C2CD3: variants seen among roughly 807,000 people sequenced by gnomAD.
The protein encoded by C2CD3 is C2 domain-containing protein 3.
Under a neutral mutation model 234.0 loss-of-function variants are expected in C2CD3, and 148 were observed. The ratio of observed to expected loss-of-function variants is 0.63; its 90% CI spans 0.55 to 0.72. The LOEUF (loss-of-function observed/expected upper bound fraction) is 0.72, where lower values mean the gene tolerates loss of function less well. Ranked by LOEUF, C2CD3 falls within the 30% of genes least tolerant of loss-of-function variation. The pLI, the probability that C2CD3 is intolerant of heterozygous loss-of-function variation, is 0.00. For missense variants in C2CD3, 2,577 were observed against 2,811.5 expected (o/e 0.92, Z 1.89); for synonymous variants, 1,000 against 1,035.4 (o/e 0.97, Z 0.66).
In C2CD3 at chr11:74,138,872, T is replaced by C. The variant is rs756326663; in HGVS notation, c.803A>G (p.Glu268Gly). 3.7e-6 allele frequency: 6 copies of C among 1,613,174 alleles called. No homozygotes were observed. Residue 268 changes from glutamate (E) to glycine (G), a missense_variant, in exon 5 of 33, where the codon GAG becomes GGG. Physicochemically the swap from Glu to Gly is moderately conservative, Grantham distance 98. Coordinates refer to ENST00000334126, the MANE Select transcript of C2CD3 (RefSeq NM_001286577.2). Reference protein sequence around the residue: ...QHSLNSGQSLESVTLKGRAPR... With the variant: ...QHSLNSGQSLGSVTLKGRAPR... ...AGCTCTGCCTTTCAGAGTTACAGAC[T>C]CTAAACTCTGTCCTGAATTAAGACT...
chr11:74,156,989 A>AC (rs1350911579), intron 3 of C2CD3, among the ~76,000 whole-genome samples: 4 of 151,696 alleles, frequency 2.6e-5, no homozygotes, highest in Non-Finnish European at 5.9e-5. Context: ...CCCAAAGAAA[A>AC]CCCACCTTAC....
At chr11:74,106,223 C>G (rs1310983577) in intron 13 of C2CD3, 148 bp downstream of exon 13, 1 of 681,142 alleles carries the variant, frequency 1.5e-6, no homozygotes, top group Non-Finnish European at 2.4e-6. Context: ...CCATTTATTT[C>G]CTTCATAGTA....
intron 30 of C2CD3, chr11:74,036,373 T>A (rs1219312474): frequency 2.2e-6 from 1 of 451,844 alleles, no homozygotes; most frequent in African/African-American, 2.0e-5. Flanking sequence ...AATAACAGAA[T>A]AGTGCCTGGC....
chr11:74,029,486 C>T (rs573061118), intron 31 of C2CD3, among the ~76,000 whole-genome samples: 104 of 152,204 alleles, frequency 6.8e-4, no homozygotes, highest in Non-Finnish European at 1.4e-3. Context: ...CCTGATTTTT[C>T]TGTAGAGAGG....
rs1407541488 is a variant in C2CD3 at position 74,095,422 on chromosome 11, C to T, written c.2980-14G>A. ...TCGGTCCTCTGCCTATTAAATGAAA[C>T]AGAAACACTGGTGAGCTTTAAAGAG... On this transcript the variant is annotated splice_polypyrimidine_tract_variant and intron_variant, in intron 16 of 32. Transcript: ENST00000334126. 2 of 1,601,528 alleles carry T rather than the reference C, an allele frequency of 1.2e-6. No homozygotes were observed. Among genetic ancestry groups the T allele is most frequent in the South Asian group, 2.2e-5 (2 of 89,586 alleles).
At chr11:74,078,057 G>T in intron 23 of C2CD3, 58 bp downstream of exon 23, 4 of 1,543,908 alleles carry the variant, frequency 2.6e-6, no homozygotes, top group Non-Finnish European at 3.5e-6. Context: ...GTCTCACCTA[G>T]TGTTTGACAC....
At chr11:74,066,380 C>G (rs534614155) in intron 24 of C2CD3, among the ~76,000 whole-genome samples, 29 of 151,028 alleles carry the variant, frequency 1.9e-4, no homozygotes, top group African/African-American at 6.8e-4. Context: ...ACATATGTAA[C>G]AAACCTGCAC....
intron 7 of C2CD3, chr11:74,129,378 G>A (rs1331284976): frequency 5.3e-5 from 9 of 170,038 alleles, no homozygotes; most frequent in South Asian, 1.2e-4. Context: ...GGGCAGAGAC[G>A]GTCCTCACCT....
Position 74,092,453 on chromosome 11 carries a change from C to G in C2CD3, c.3480G>C (p.Arg1160Ser), listed in dbSNP as rs765888573. Residue 1160 changes from arginine to serine, a missense_variant, in exon 19 of 33, where the codon AGG (arginine) becomes AGC (serine). Transcript: ENST00000334126. ...TCCTCAATTCTTTCCTGTTCTCAATCCTGGGGGTTAAAGGGAGATTAAAGG... is the reference window on the plus strand; with the variant it reads ...TCCTCAATTCTTTCCTGTTCTCAATGCTGGGGGTTAAAGGGAGATTAAAGG... ...IQTFNLPLTP[R>S]IENRKELRNQ... 4 of 1,613,920 alleles carry G rather than the reference C, an allele frequency of 2.5e-6. No homozygotes were observed. Among genetic ancestry groups the G allele is most frequent in the Non-Finnish European group, 3.4e-6 (4 of 1,179,884 alleles).
At chr11:74,063,579 C>A (rs1954357126) in intron 24 of C2CD3, among the ~76,000 whole-genome samples, 1 of 152,150 alleles carries the variant, frequency 6.6e-6, no homozygotes, top group South Asian at 2.1e-4. Flanking sequence ...AATTCAACAG[C>A]CCTTCATGTT....
intron 2 of C2CD3, chr11:74,164,694 G>T (rs752560428): frequency 4.8e-4 from 73 of 152,132 alleles, no homozygotes; most frequent in Non-Finnish European, 1.9e-4. Flanking sequence ...AAATGTAAAG[G>T]TTTTCTCATT....
chr11:74,125,857 C>A (rs1304108254), intron 7 of C2CD3, among the ~76,000 whole-genome samples: 6 of 152,106 alleles, frequency 3.9e-5, no homozygotes, highest in Non-Finnish European at 8.8e-5. Context: ...GTTCCATTCC[C>A]CTCCACCTCT....
chr11:74,117,239 T>C (rs1278620465), intron 9 of C2CD3, among the ~76,000 whole-genome samples: 1 of 113,520 alleles, frequency 8.8e-6, no homozygotes, highest in Non-Finnish European at 1.8e-5. Flanking sequence ...TATATATATA[T>C]GAGTGAGCTG....
Position 74,083,029 on chromosome 11 carries a change from C to T in C2CD3, c.4000+1852G>A, listed in dbSNP as rs558625227. ...AACAAAGCTGGAGGCATCACGCTAC[C>T]TGACTTCAAACTATACTACAAGGCT... is the stretch of plus-strand genomic sequence containing the variant. On this transcript the variant is annotated intron_variant, in intron 22 of 32. Transcript: ENST00000334126. 9.8e-5 allele frequency among the ~76,000 whole-genome samples: 15 copies of T among 152,318 alleles called. No homozygotes were observed. The East Asian group carries it at 2.7e-3, about 27-fold the overall frequency.
intron 32 of C2CD3, among the ~76,000 whole-genome samples, chr11:74,017,160 A>G (rs1951910693): frequency 6.6e-6 from 1 of 152,202 alleles, no homozygotes; most frequent in Admixed American, 6.5e-5. Context: ...ATGCTGGTTG[A>G]GGAAGTTCCA....
chr11:74,167,922 A>G (rs574188518), intron 2 of C2CD3: 2 of 168,762 alleles, frequency 1.2e-5, no homozygotes, highest in East Asian at 1.7e-4. Context: ...TTCCTTGAGT[A>G]TAATGTAAAC....
At chr11:74,143,908 TATC>T (rs1477199347) in intron 3 of C2CD3, among the ~76,000 whole-genome samples, 3 of 152,162 alleles carry the variant, frequency 2.0e-5, no homozygotes, top group Admixed American at 6.5e-5. Flanking sequence ...TAAAAATAAT[TATC>T]ATTTTATTCA....
intron 24 of C2CD3, among the ~76,000 whole-genome samples, chr11:74,058,487 A>G (rs550034123): frequency 6.6e-6 from 1 of 152,156 alleles, no homozygotes; most frequent in South Asian, 2.1e-4. Context: ...TATTATTTCT[A>G]TCATATAGAT....
chr11:74,025,552 A>G (rs549456560), intron 32 of C2CD3, among the ~76,000 whole-genome samples: 2 of 152,302 alleles, frequency 1.3e-5, no homozygotes, highest in African/African-American at 4.8e-5. Context: ...AGGAACAGCA[A>G]TTCTGCTTGG....
Sources: allele counts gnomAD v4.1 joint callset (sites outside exome capture counted in the v4.1 genomes callset), GRCh38; gene constraint gnomAD v4.1.1; transcripts MANE v1.5; gene names NCBI Gene and HGNC (gene_info 2026-07-23, HGNC 2026-07-21).